Variants in INSL6 observed in about 807,000 individuals in gnomAD.
INSL6 encodes insulin-like peptide INSL6.
Under a neutral mutation model 9.4 loss-of-function variants are expected in INSL6, and 16 were observed. The observed-to-expected ratio is 1.70, with a 90% CI of 1.15 to 2.59. The LOEUF (loss-of-function observed/expected upper bound fraction) is 2.59. INSL6 is among the 30% of genes most tolerant of loss of function. The pLI, the probability that INSL6 is intolerant of heterozygous loss-of-function variation, is 0.00. For synonymous variants in INSL6, 154 were observed against 96.9 expected (o/e 1.59, Z -3.46); for missense variants, 391 against 257.3 (o/e 1.52, Z -3.56).
chr9:5,173,506 G>A (rs1377524095), intron 1 of INSL6, among the ~76,000 whole-genome samples: 3 of 152,218 alleles, frequency 2.0e-5, no homozygotes, highest in African/African-American at 7.2e-5. Context: ...AACTAAGGCA[G>A]GAAGAGAAAA....
the INSL6 span, among the ~76,000 whole-genome samples, chr9:5,081,285 T>TA: frequency 2.0e-5 from 3 of 152,138 alleles, no homozygotes; most frequent in Admixed American, 1.3e-4. Context: ...AATTGACTTT[T>TA]AAAAAACAAT....
At chr9:5,114,379 C>T in the INSL6 span, 42 of 525,194 alleles carry the variant, frequency 8.0e-5, no homozygotes, top group African/African-American at 6.7e-4. Context: ...TTCACCATCA[C>T]GTCCACCCTG....
chr9:5,108,576 G>A, the INSL6 span: 34 of 152,084 alleles, frequency 2.2e-4, 1 homozygote, highest in Admixed American at 1.6e-3. Flanking sequence ...ACTCCCAAAA[G>A]CCCATGTAGA....
At chr9:5,178,137 A>T (rs988376240) in intron 1 of INSL6, among the ~76,000 whole-genome samples, 2 of 152,160 alleles carry the variant, frequency 1.3e-5, no homozygotes, top group African/African-American at 4.8e-5. Flanking sequence ...GGCCTCCCAA[A>T]GTGCCAGGAT....
At chr9:5,034,397 G>T in the INSL6 span, among the ~76,000 whole-genome samples, 5 of 152,148 alleles carry the variant, frequency 3.3e-5, no homozygotes, top group Non-Finnish European at 5.9e-5. Flanking sequence ...AGACCTAATA[G>T]ACATCTACAG....
chr9:5,126,981 G>C (rs1824042632), intron 3 of INSL6: 1 of 341,374 alleles, frequency 2.9e-6, no homozygotes, highest in South Asian at 8.7e-5. Flanking sequence ...ACCAGTAAAA[G>C]ACATTAATGA....
chr9:5,152,731 G>T (rs1824735042), intron 2 of INSL6, among the ~76,000 whole-genome samples: 1 of 152,204 alleles, frequency 6.6e-6, no homozygotes, highest in African/African-American at 2.4e-5. Flanking sequence ...AAAAGGTGAT[G>T]ATCTGAAAAG....
At chr9:5,037,671 C>G in the INSL6 span, among the ~76,000 whole-genome samples, 65 of 152,094 alleles carry the variant, frequency 4.3e-4, no homozygotes, top group African/African-American at 1.4e-3. Flanking sequence ...AACACATGGA[C>G]ACAGGAATGG....
the INSL6 span, among the ~76,000 whole-genome samples, chr9:5,079,066 CTGA>C: frequency 4.6e-5 from 7 of 152,270 alleles, no homozygotes; most frequent in African/African-American, 1.7e-4. Flanking sequence ...TTTTTGTGCA[CTGA>C]TGTGTCCTAT....
At chr9:5,156,723 GAA>G (rs1586867073) in intron 2 of INSL6, among the ~76,000 whole-genome samples, 1 of 151,860 alleles carries the variant, frequency 6.6e-6, no homozygotes, top group Admixed American at 6.6e-5. Context: ...TATTGGAAAA[GAA>G]AAAATAAAAG....
chr9:5,174,554 C>A (rs902916331), intron 1 of INSL6, among the ~76,000 whole-genome samples: 2 of 152,128 alleles, frequency 1.3e-5, no homozygotes, highest in South Asian at 4.1e-4. Context: ...GTTCTCACTC[C>A]CCAACTTATT....
At chr9:5,011,195 C>G in the INSL6 span, among the ~76,000 whole-genome samples, 9 of 151,856 alleles carry the variant, frequency 5.9e-5, no homozygotes, top group Non-Finnish European at 1.0e-4. Context: ...TCAAGTATTT[C>G]CTCTGTTCCA....
the INSL6 span, among the ~76,000 whole-genome samples, chr9:5,039,571 T>C: frequency 6.6e-6 from 1 of 152,120 alleles, no homozygotes; most frequent in Admixed American, 6.5e-5. Context: ...GATTACATGA[T>C]CTTGCATATT....
the INSL6 span, among the ~76,000 whole-genome samples, chr9:5,103,186 A>G: frequency 6.8e-6 from 1 of 146,706 alleles, no homozygotes; most frequent in East Asian, 2.0e-4. Flanking sequence ...CTCAAAATAA[A>G]GGGATGGAGG....
intron 1 of INSL6, among the ~76,000 whole-genome samples, chr9:5,184,746 G>T (rs1052865668): frequency 6.6e-6 from 1 of 152,202 alleles, no homozygotes; most frequent in East Asian, 1.9e-4. Context: ...CCTGATAGGA[G>T]AACGGACCAG....
At chr9:5,103,561 C>T in the INSL6 span, among the ~76,000 whole-genome samples, 8 of 152,132 alleles carry the variant, frequency 5.3e-5, no homozygotes, top group Non-Finnish European at 1.0e-4. Flanking sequence ...CAGCTCTGCA[C>T]CATGTGAACC....
chr9:5,115,035 A>G, the INSL6 span, among the ~76,000 whole-genome samples: 1 of 152,190 alleles, frequency 6.6e-6, no homozygotes, highest in African/African-American at 2.4e-5. Context: ...TAAAACACCA[A>G]AAGCAATGGC....
At chr9:5,080,845 A>G in the INSL6 span, among the ~76,000 whole-genome samples, 2 of 149,878 alleles carry the variant, frequency 1.3e-5, no homozygotes, top group African/African-American at 4.9e-5. Flanking sequence ...TACATATTCT[A>G]ATCTCCTTGA....
chr9:5,085,299 G>A, the INSL6 span: 2 of 725,020 alleles, frequency 2.8e-6, no homozygotes, highest in Admixed American at 1.8e-5. Flanking sequence ...TAGAACATGA[G>A]GTGAAGTCGA....
Sources: gnomAD v4.1 joint callset for allele counts (sites outside exome capture counted in the v4.1 genomes callset) on GRCh38, gnomAD v4.1.1 for gene constraint, MANE v1.5 for transcripts, NCBI Gene and HGNC (gene_info 2026-07-23, HGNC 2026-07-21) for gene names.